Variants in PCDHGA2 observed in about 807,000 individuals in gnomAD.
PCDHGA2 encodes protocadherin gamma-A2.
PCDHGA2 carries 40 observed loss-of-function variants against 59.2 expected under a neutral mutation model. The ratio of observed to expected loss-of-function variants is 0.68; its 90% CI spans 0.52 to 0.88. PCDHGA2 has a LOEUF of 0.88. PCDHGA2 is among the 40% of genes least tolerant of loss of function. The pLI is 0.00. For missense variants in PCDHGA2, 1,226 were observed against 1,204.0 expected (o/e 1.02, Z -0.27); for synonymous variants, 560 against 526.0 (o/e 1.06, Z -0.89).
intron 1 of PCDHGA2, among the ~76,000 whole-genome samples, chr5:141,444,152 ATTTTTTTTTTTTTTT>A (rs747671382): frequency 3.8e-4 from 13 of 33,894 alleles, no homozygotes; most frequent in East Asian, 1.0e-3. Context: ...TGTGTACTGG[ATTTTTTTTTTTTTTT>A]TTTTTTTTTT....
rs759587995 is a variant in PCDHGA2, at chr5:141,491,802, G to T, written c.2425-3005G>T. On this transcript the variant is annotated intron_variant, in intron 1 of 3. Coordinates refer to ENST00000394576, the MANE Select transcript of PCDHGA2 (RefSeq NM_018915.4). The surrounding 1 kb of genome is among the most constrained non-coding windows in gnomAD (Gnocchi z 6.9). ...ACTTGCATCCACTCCTCTCCGGCCGGCTTGGTCGCTGGCTGCGCTCCACCC... is the reference window on the plus strand; with the variant it reads ...ACTTGCATCCACTCCTCTCCGGCCGTCTTGGTCGCTGGCTGCGCTCCACCC... 1 of 1,497,480 alleles carries T rather than the reference G, an allele frequency of 6.7e-7. No individual in the cohort carries two copies. Among genetic ancestry groups the T allele is most frequent in the East Asian group, 2.5e-5 (1 of 40,518 alleles). The allele number at this position is 1,497,480 out of a possible 1,614,324, so 92.8% of individuals were successfully genotyped here. A position where few individuals can be genotyped will look rare whatever the true frequency, so the allele number is the denominator to read the frequency against.
chr5:141,496,533 G>A (rs2099769399), intron 2 of PCDHGA2, among the ~76,000 whole-genome samples: 2 of 152,176 alleles, frequency 1.3e-5, no homozygotes, highest in Admixed American at 1.3e-4. Context: ...GTGTATGGCA[G>A]AGATTCCAGC....
At chr5:141,501,206 A>G (rs977574347) in intron 2 of PCDHGA2, among the ~76,000 whole-genome samples, 22 of 151,674 alleles carry the variant, frequency 1.5e-4, no homozygotes, top group African/African-American at 5.3e-4. Context: ...GGGTGTTGTC[A>G]GGGTGACTTC....
At chr5:141,421,638 C>G (rs775131295) in intron 1 of PCDHGA2, 2 of 1,613,770 alleles carry the variant, frequency 1.2e-6, no homozygotes, top group South Asian at 1.1e-5. Context: ...TCCAGGAGGA[C>G]GAAGTGGAGA....
At chr5:141,354,251 A>G (rs1394196546) in intron 1 of PCDHGA2, among the ~76,000 whole-genome samples, 2 of 152,036 alleles carry the variant, frequency 1.3e-5, no homozygotes, top group East Asian at 1.9e-4. Flanking sequence ...TTATTTACCC[A>G]TTGTTTTAGG....
At chr5:141,465,867 A>G (rs1049493106) in intron 1 of PCDHGA2, among the ~76,000 whole-genome samples, 5 of 152,040 alleles carry the variant, frequency 3.3e-5, no homozygotes, top group African/African-American at 9.7e-5. Context: ...TCATGCCTGT[A>G]ATCCCAGCAC....
intron 1 of PCDHGA2, chr5:141,413,740 C>T (rs1274240064): frequency 5.6e-6 from 9 of 1,613,284 alleles, no homozygotes; most frequent in African/African-American, 1.3e-5. Flanking sequence ...AGTTCAGAGC[C>T]GTGCCAATGG....
At chr5:141,470,323 A>G (rs1029928511) in intron 1 of PCDHGA2, among the ~76,000 whole-genome samples, 1 of 152,188 alleles carries the variant, frequency 6.6e-6, no homozygotes, top group Non-Finnish European at 1.5e-5. Context: ...AAATGATCCC[A>G]TAATTTGACC....
intron 1 of PCDHGA2, chr5:141,388,956 G>A (rs1010974359): frequency 1.9e-6 from 3 of 1,613,964 alleles, no homozygotes; most frequent in South Asian, 1.1e-5. Flanking sequence ...TATGGAGGAC[G>A]CCGAGCTGGG....
chr5:141,419,315 C>A lies in PCDHGA2; in HGVS notation c.2425-75492C>A, dbSNP rs2096357855. ...TGACCCAGACTTCGGGCTCAACGGC[C>A]GTGTCTCCTACTCTCTCATTGCCAG... On this transcript the variant is annotated intron_variant, in intron 1 of 3. Transcript: ENST00000394576. 3 of 1,613,880 alleles carry A rather than the reference C, an allele frequency of 1.9e-6. No homozygotes were observed. Among genetic ancestry groups the A allele is most frequent in the Non-Finnish European group, 2.5e-6 (3 of 1,179,910 alleles).
At chr5:141,364,423 C>A (rs773799474) in intron 1 of PCDHGA2, 1 of 1,613,592 alleles carries the variant, frequency 6.2e-7, no homozygotes, top group Non-Finnish European at 8.5e-7. Context: ...CCGGGCAGAT[C>A]CGCTACTCGA....
intron 1 of PCDHGA2, among the ~76,000 whole-genome samples, chr5:141,442,680 A>C (rs2098335997): frequency 6.6e-6 from 1 of 152,270 alleles, no homozygotes; most frequent in Non-Finnish European, 1.5e-5. Flanking sequence ...CTTGAGGGAC[A>C]GTAGTCAGGC....
chr5:141,458,597 T>C (rs940896214), intron 1 of PCDHGA2, among the ~76,000 whole-genome samples: 18 of 151,988 alleles, frequency 1.2e-4, no homozygotes, highest in Non-Finnish European at 2.4e-4. Context: ...TGGAGACGAG[T>C]CTCACTCTGT....
chr5:141,486,146 G>T lies in PCDHGA2; in HGVS notation c.2425-8661G>T. Reference sequence around the variant, plus strand: ...TGAATTTGATGTGCGGGCTCGCGATGGGGGTTCTCCAGCCATGGAGCAACA... The same window carrying T: ...TGAATTTGATGTGCGGGCTCGCGATTGGGGTTCTCCAGCCATGGAGCAACA... On this transcript the variant is annotated intron_variant, in intron 1 of 3. Transcript: ENST00000394576. The surrounding 1 kb of genome is among the most constrained non-coding windows in gnomAD (Gnocchi z 5.0). 6.2e-7 allele frequency: 1 copy of T among 1,614,184 alleles called. No homozygotes were observed. The highest frequency in any genetic ancestry group is 8.5e-7 in the Non-Finnish European group (1 of 1,180,032).
chr5:141,476,281 T>G lies in PCDHGA2; in HGVS notation c.2425-18526T>G. On this transcript the variant is annotated intron_variant, in intron 1 of 3. Coordinates refer to ENST00000394576, the MANE Select transcript of PCDHGA2 (RefSeq NM_018915.4). This position sits in a 1 kb window ranked among gnomAD's most constrained non-coding sequence, Gnocchi z 7.6. ...TGGGCAACGTGGTCGCGAACCTTGGTTTGGATCTCGGTAGCCTCTCAGCCC... is the reference window on the plus strand; with the variant it reads ...TGGGCAACGTGGTCGCGAACCTTGGGTTGGATCTCGGTAGCCTCTCAGCCC... 1 of 1,614,048 alleles carries G rather than the reference T, an allele frequency of 6.2e-7. No homozygotes were observed. The highest frequency in any genetic ancestry group is 1.1e-5 in the South Asian group (1 of 91,062).
chr5:141,394,864 C>G lies in PCDHGA2; in HGVS notation c.2424+53469C>G. Reference sequence around the variant, plus strand: ...GGCAGTCTGAAGCCTTCGGTCGACCCGAACGATTCGAGCCTTACACTCTAT... The same window carrying G: ...GGCAGTCTGAAGCCTTCGGTCGACCGGAACGATTCGAGCCTTACACTCTAT... On this transcript the variant is annotated intron_variant, in intron 1 of 3. Coordinates refer to ENST00000394576, the MANE Select transcript of PCDHGA2 (RefSeq NM_018915.4). The G allele has an allele frequency of 1.2e-6, 2 of 1,613,780 alleles. No individual in the cohort carries two copies. The highest frequency in any genetic ancestry group is 1.7e-6 in the Non-Finnish European group (2 of 1,179,900).
At chr5:141,362,157 C>T (rs1762354661) in intron 1 of PCDHGA2, 4 of 1,614,036 alleles carry the variant, frequency 2.5e-6, no homozygotes, top group Non-Finnish European at 3.4e-6. Context: ...TATTGCCAGA[C>T]CTCAGCGACC....
chr5:141,357,661 T>C, intron 1 of PCDHGA2: 5 of 1,605,092 alleles, frequency 3.1e-6, no homozygotes, highest in Non-Finnish European at 4.3e-6. Flanking sequence ...CACTGAAATA[T>C]AGACAAAGAG....
intron 1 of PCDHGA2, chr5:141,421,961 A>G: frequency 6.2e-7 from 1 of 1,612,542 alleles, no homozygotes; most frequent in Non-Finnish European, 8.5e-7. Context: ...ATGTTTACAC[A>G]GTCCGTATAT....
Sources: gnomAD v4.1 joint callset for allele counts (sites outside exome capture counted in the v4.1 genomes callset) on GRCh38, gnomAD v4.1.1 for gene constraint, Gnocchi (gnomAD v3.1) non-coding constraint, MANE v1.5 for transcripts, NCBI Gene and HGNC (gene_info 2026-07-23, HGNC 2026-07-21) for gene names.